The following DOCK3 variants were observed in gnomAD, a reference collection of about 807,000 sequenced individuals.
DOCK3 encodes the protein dedicator of cytokinesis protein 3.
Under a neutral mutation model 265.6 loss-of-function variants are expected in DOCK3, and 60 were observed. The observed-to-expected ratio is 0.23, with a 90% confidence interval of 0.18 to 0.28. The LOEUF (loss-of-function observed/expected upper bound fraction) is 0.28, where lower values mean the gene tolerates loss of function less well. Ranked by LOEUF, DOCK3 falls within the 10% of genes least tolerant of loss-of-function variation. DOCK3 has a pLI of 1.00. For missense variants in DOCK3, 1,981 were observed against 2,594.3 expected (o/e 0.76, Z 5.14); for synonymous variants, 881 against 938.0 (o/e 0.94, Z 1.11).
intron 1 of DOCK3, among the ~76,000 whole-genome samples, chr3:50,737,976 G>T (rs1163629458): frequency 1.3e-5 from 2 of 152,112 alleles, no homozygotes; most frequent in African/African-American, 4.8e-5. Context: ...TCTTGGCCTT[G>T]GGTTCTTGTC....
chr3:51,083,040 AG>A (rs1361637318), intron 7 of DOCK3, among the ~76,000 whole-genome samples: 5 of 152,172 alleles, frequency 3.3e-5, no homozygotes, highest in Non-Finnish European at 7.4e-5. Context: ...TGGAGGCCCA[AG>A]GACTGACCTT....
At chr3:51,053,333 T>TATAGAAG (rs1393047426) in intron 5 of DOCK3, among the ~76,000 whole-genome samples, 2 of 151,488 alleles carry the variant, frequency 1.3e-5, no homozygotes, top group African/African-American at 4.8e-5. Flanking sequence ...ATCTTCTTAT[T>TATAGAAG]ATAGAAGATA....
chr3:51,256,054 G>A (rs1054242265), intron 22 of DOCK3, among the ~76,000 whole-genome samples: 1 of 152,240 alleles, frequency 6.6e-6, no homozygotes, highest in East Asian at 1.9e-4. Flanking sequence ...TTTTTGGTGT[G>A]GATGTCCTTT....
intron 37 of DOCK3, among the ~76,000 whole-genome samples, chr3:51,340,198 G>A (rs932559037): frequency 6.6e-6 from 1 of 152,170 alleles, no homozygotes; most frequent in African/African-American, 2.4e-5. Context: ...GCTGGGTCAG[G>A]GATTTTAACA....
At chr3:51,364,951 G>C (rs2087026688) in intron 49 of DOCK3, among the ~76,000 whole-genome samples, 1 of 152,228 alleles carries the variant, frequency 6.6e-6, no homozygotes, top group Non-Finnish European at 1.5e-5. Context: ...GCTTAGGATT[G>C]TCTTGGCAAT....
intron 22 of DOCK3, among the ~76,000 whole-genome samples, chr3:51,249,383 T>C (rs1269400157): frequency 4.4e-3 from 328 of 75,304 alleles, no homozygotes; most frequent in Middle Eastern, 0.043. Context: ...GTGGGGGGGT[T>C]AGCCCCCCGC....
At chr3:50,767,089 GT>G (rs2040937475) in intron 1 of DOCK3, among the ~76,000 whole-genome samples, 1 of 152,120 alleles carries the variant, frequency 6.6e-6, no homozygotes, top group Non-Finnish European at 1.5e-5. Context: ...TCTGATGGTA[GT>G]TTCTTTTGCT....
intron 5 of DOCK3, among the ~76,000 whole-genome samples, chr3:51,012,011 G>T (rs979357515): frequency 6.6e-6 from 1 of 152,158 alleles, no homozygotes. Flanking sequence ...GTAGAAGGCC[G>T]TGTGAGCTGT....
At chr3:50,810,746 A>G (rs1212147255) in intron 2 of DOCK3, among the ~76,000 whole-genome samples, 1 of 152,340 alleles carries the variant, frequency 6.6e-6, no homozygotes, top group South Asian at 2.1e-4. Context: ...TATTGATTCC[A>G]TTTATATGAA....
intron 6 of DOCK3, among the ~76,000 whole-genome samples, chr3:51,074,121 T>A (rs1360335780): frequency 1.3e-5 from 2 of 152,216 alleles, no homozygotes; most frequent in Non-Finnish European, 2.9e-5. Flanking sequence ...TATAATCCCA[T>A]GGAATGCTTT....
At chr3:51,314,837 G>A (rs1463885504) in intron 31 of DOCK3, 143 bp from the exon 32 acceptor site, 4 of 1,000,078 alleles carry the variant, frequency 4.0e-6, no homozygotes, top group African/African-American at 1.7e-5. Flanking sequence ...TTGAGGGAGA[G>A]TACCTCAGAA....
chr3:50,704,258 T>G (rs954360981), intron 1 of DOCK3, among the ~76,000 whole-genome samples: 3 of 152,218 alleles, frequency 2.0e-5, no homozygotes, highest in African/African-American at 7.2e-5. Context: ...AGCAGTTGGA[T>G]AAAATATTCT....
chr3:51,181,272 T>C (rs2087276930), intron 12 of DOCK3, among the ~76,000 whole-genome samples: 1 of 145,132 alleles, frequency 6.9e-6, no homozygotes, highest in African/African-American at 2.6e-5. Flanking sequence ...TATCTCCTAA[T>C]GCTTTCCCTC....
intron 5 of DOCK3, among the ~76,000 whole-genome samples, chr3:50,939,595 A>T (rs892657437): frequency 6.6e-6 from 1 of 152,174 alleles, no homozygotes; most frequent in African/African-American, 2.4e-5. Flanking sequence ...AATTAGTATA[A>T]TCCATTATAT....
chr3:50,987,417 C>T (rs529181323), intron 5 of DOCK3, among the ~76,000 whole-genome samples: 14 of 152,188 alleles, frequency 9.2e-5, no homozygotes, highest in African/African-American at 3.4e-4. Context: ...ATCTTATGAG[C>T]GAGATGTAAT....
chr3:50,949,480 A>G (rs1279656805), intron 5 of DOCK3, among the ~76,000 whole-genome samples: 3 of 152,130 alleles, frequency 2.0e-5, no homozygotes, highest in Admixed American at 6.5e-5. Flanking sequence ...GTCTTTACCC[A>G]TGTTTAGGAG....
At chr3:51,043,565 C>G (rs1012787539) in intron 5 of DOCK3, among the ~76,000 whole-genome samples, 3 of 151,908 alleles carry the variant, frequency 2.0e-5, no homozygotes, top group African/African-American at 7.3e-5. Context: ...GCAATTGCAA[C>G]AAAAGCAAAA....
intron 5 of DOCK3, among the ~76,000 whole-genome samples, chr3:50,962,156 C>T (rs2076906885): frequency 6.6e-6 from 1 of 152,132 alleles, no homozygotes; most frequent in African/African-American, 2.4e-5. Flanking sequence ...CCCCTAGCCC[C>T]CAGACCCCAC....
chr3:50,799,982 A>T (rs1185013273), intron 2 of DOCK3, among the ~76,000 whole-genome samples: 1 of 151,946 alleles, frequency 6.6e-6, no homozygotes, highest in Admixed American at 6.6e-5. Flanking sequence ...CATTTTATTG[A>T]TATGATGTAT....
Sources: gnomAD v4.1 joint callset for allele counts (sites outside exome capture counted in the v4.1 genomes callset) on GRCh38, gnomAD v4.1.1 for gene constraint, MANE v1.5 for transcripts, NCBI Gene and HGNC (gene_info 2026-07-23, HGNC 2026-07-21) for gene names.